The following BTC variants were observed in gnomAD, a reference collection of about 807,000 sequenced individuals.
The protein encoded by BTC is betacellulin.
Under a neutral mutation model 18.1 loss-of-function variants are expected in BTC, and 13 were observed. That is an observed-to-expected ratio of 0.72 (90% CI 0.47 to 1.14). BTC has a LOEUF of 1.14. Among genes scored for constraint, BTC ranks in the 50% most tolerant of loss-of-function variants. BTC has a pLI of 0.00. For missense variants in BTC, 247 were observed against 224.2 expected (o/e 1.10, Z -0.65); for synonymous variants, 83 against 79.4 (o/e 1.05, Z -0.24).
chr4:74,755,825 C>A, intron 3 of BTC, 34 bp downstream of exon 3: 1 of 1,596,034 alleles, frequency 6.3e-7, no homozygotes, highest in African/African-American at 1.3e-5. Flanking sequence ...CATTCTGCAC[C>A]CTTTTGCTTG....
At chr4:74,792,487 C>A (rs886714416) in intron 1 of BTC, among the ~76,000 whole-genome samples, 1 of 152,192 alleles carries the variant, frequency 6.6e-6, no homozygotes, top group African/African-American at 2.4e-5. Flanking sequence ...GGCGCCCCCC[C>A]TTCCTATACT....
At chr4:74,763,498 G>A (rs10022187) in intron 2 of BTC, among the ~76,000 whole-genome samples, 25,362 of 151,038 alleles carry the variant, frequency 0.17, 3,336 homozygotes, top group African/African-American at 0.37. Context: ...CATAGTTTTC[G>A]GCTCTTACAT....
chr4:74,747,524 ACAATTCT>A (rs776754099), intron 5 of BTC, among the ~76,000 whole-genome samples: 3 of 152,032 alleles, frequency 2.0e-5, no homozygotes, highest in Non-Finnish European at 2.9e-5. Context: ...ACAGCTCCCA[ACAATTCT>A]CAAGCTCAGG....
At chr4:74,757,042 T>C (rs1330461900) in intron 2 of BTC, among the ~76,000 whole-genome samples, 1 of 152,148 alleles carries the variant, frequency 6.6e-6, no homozygotes, top group African/African-American at 2.4e-5. Flanking sequence ...GGTCAAACTT[T>C]CCACGTTCAT....
chr4:74,759,514 C>T (rs1724693694), intron 2 of BTC, among the ~76,000 whole-genome samples: 1 of 152,044 alleles, frequency 6.6e-6, no homozygotes, highest in Admixed American at 6.6e-5. Context: ...GTAATATATA[C>T]CAATTTCTTC....
chr4:74,769,947 C>A, intron 2 of BTC, 111 bp downstream of exon 2: 1 of 855,928 alleles, frequency 1.2e-6, no homozygotes, highest in South Asian at 1.6e-5. Flanking sequence ...AAGCACTTAG[C>A]ACAGTGACTG....
chr4:74,745,795 G>A lies in BTC; in HGVS notation c.*882C>T, dbSNP rs544095154. On this transcript the variant is annotated 3_prime_UTR_variant, in exon 6 of 6. Coordinates refer to ENST00000395743, the MANE Select transcript of BTC (RefSeq NM_001729.4). The stretch of plus-strand genomic sequence containing the variant: ...TTATTGAGCATAAACACTTACCCAG[G>A]GCTTAAGGAATGCCAAGCATTTACT... 14 of 152,158 alleles carry A rather than the reference G, an allele frequency of 9.2e-5. No homozygotes were observed. The allele number at this position is 152,158 out of a possible 1,614,324, so 9.4% of individuals were successfully genotyped here. A position where few individuals can be genotyped will look rare whatever the true frequency, so the allele number is the denominator to read the frequency against.
intron 3 of BTC, among the ~76,000 whole-genome samples, chr4:74,754,818 G>A (rs1314974077): frequency 6.6e-6 from 1 of 151,998 alleles, no homozygotes; most frequent in Non-Finnish European, 1.5e-5. Context: ...TGCAGACATA[G>A]GAACCAATTA....
At position 74,794,430 on chromosome 4, in the gene BTC, G is replaced by A; in HGVS notation, c.-105C>T. On this transcript the variant is annotated 5_prime_UTR_variant, in exon 1 of 6. Transcript: ENST00000395743. ...GAGAGGGTGCCTGGAAACTAATCCC[G>A]GAGGCAGAAGGAAACGAAACTACTT... is the stretch of plus-strand genomic sequence containing the variant. 3 of 1,242,428 alleles carry A rather than the reference G, an allele frequency of 2.4e-6. No homozygotes were observed. The highest frequency in any genetic ancestry group is 2.8e-5 in the East Asian group (1 of 35,716). The allele number at this position is 1,242,428 out of a possible 1,614,324, so 77.0% of individuals were successfully genotyped here. A position where few individuals can be genotyped will look rare whatever the true frequency, so the allele number is the denominator to read the frequency against.
Position 74,792,942 on chromosome 4 carries a change from G to T in BTC, c.64+1320C>A, listed in dbSNP as rs189212739. Among the ~76,000 whole-genome samples, 198 of 152,244 alleles carry T rather than the reference G, an allele frequency of 1.3e-3. 1 individual carries two copies. Among genetic ancestry groups the T allele is most frequent in the African/African-American group, 4.6e-3 (193 of 41,536 alleles). On this transcript the variant is annotated intron_variant, in intron 1 of 5. Coordinates refer to ENST00000395743, the MANE Select transcript of BTC (RefSeq NM_001729.4). ...GGGCAGGAATCATGTTTTATTTTAGGAATCTCATGAGCCCTTTCCCCACCT... is the reference window on the plus strand; with the variant it reads ...GGGCAGGAATCATGTTTTATTTTAGTAATCTCATGAGCCCTTTCCCCACCT...
chr4:74,781,384 C>CGTGTGT (rs139134613), intron 1 of BTC, among the ~76,000 whole-genome samples: 4,112 of 126,454 alleles, frequency 0.033, 165 homozygotes, highest in African/African-American at 0.13. Flanking sequence ...TCTCTCGTCA[C>CGTGTGT]GTGTGTGTGT....
chr4:74,773,997 T>C (rs777105225), intron 1 of BTC, among the ~76,000 whole-genome samples: 9 of 152,168 alleles, frequency 5.9e-5, no homozygotes, highest in Non-Finnish European at 1.2e-4. Context: ...CAACTCTGCC[T>C]AGTGGCAAAG....
In BTC at chr4:74,755,990, A is replaced by G. The variant is rs1235275206; in HGVS notation, c.164-14T>C. On this transcript the variant is annotated splice_polypyrimidine_tract_variant and intron_variant, in intron 2 of 5. Transcript: ENST00000395743. Reference sequence around the variant, plus strand: ...GTGTGGTGGTAGCTGGAAAATGAGAAAAAGTTCAATAAATCAACTCTCTTT... The same window carrying G: ...GTGTGGTGGTAGCTGGAAAATGAGAGAAAGTTCAATAAATCAACTCTCTTT... The G allele has an allele frequency of 6.3e-7, 1 of 1,588,966 alleles. No individual in the cohort carries two copies. Among genetic ancestry groups the G allele is most frequent in the Non-Finnish European group, 8.6e-7 (1 of 1,157,352 alleles).
chr4:74,779,544 C>G (rs1725264463), intron 1 of BTC, among the ~76,000 whole-genome samples: 1 of 152,066 alleles, frequency 6.6e-6, no homozygotes, highest in Non-Finnish European at 1.5e-5. Flanking sequence ...TTTAGGCTCA[C>G]TGAATTTCTA....
chr4:74,751,386 C>G (rs62316312), intron 3 of BTC, among the ~76,000 whole-genome samples: 37,176 of 151,838 alleles, frequency 0.24, 4,728 homozygotes, highest in Middle Eastern at 0.28. Context: ...TACATCCCTG[C>G]AAACACATAA....
chr4:74,777,983 A>C (rs1469344401), intron 1 of BTC, among the ~76,000 whole-genome samples: 2 of 151,662 alleles, frequency 1.3e-5, no homozygotes, highest in Non-Finnish European at 2.9e-5. Context: ...TATGCATACT[A>C]TACACAGAGT....
At chr4:74,754,983 C>G (rs1221222910) in intron 3 of BTC, among the ~76,000 whole-genome samples, 1 of 140,918 alleles carries the variant, frequency 7.1e-6, no homozygotes, top group Non-Finnish European at 1.6e-5. Context: ...ACACACATTT[C>G]CTTATTTTCT....
intron 3 of BTC, among the ~76,000 whole-genome samples, chr4:74,754,841 G>A (rs1724553606): frequency 6.6e-6 from 1 of 151,810 alleles, no homozygotes; most frequent in African/African-American, 2.4e-5. Context: ...GAAATGTATT[G>A]GGTTAAAGAT....
At chr4:74,778,589 A>T (rs1376916968) in intron 1 of BTC, among the ~76,000 whole-genome samples, 1 of 152,186 alleles carries the variant, frequency 6.6e-6, no homozygotes, top group African/African-American at 2.4e-5. Context: ...CAAGAAAAAA[A>T]TTCATACCTT....
Sources: gnomAD v4.1 joint callset for allele counts (sites outside exome capture counted in the v4.1 genomes callset) on GRCh38, gnomAD v4.1.1 for gene constraint, MANE v1.5 for transcripts, NCBI Gene and HGNC (gene_info 2026-07-23, HGNC 2026-07-21) for gene names.